The following CUX2 variants were observed in gnomAD, a reference collection of about 807,000 sequenced individuals.
CUX2 encodes the protein homeobox protein cut-like 2.
A neutral mutation model predicts 144.8 loss-of-function variants in CUX2; 40 were observed. The observed-to-expected ratio is 0.28, with a 90% CI of 0.21 to 0.36. The LOEUF (loss-of-function observed/expected upper bound fraction) is 0.36, where lower values mean the gene tolerates loss of function less well. Ranked by LOEUF, CUX2 falls within the 10% of genes least tolerant of loss-of-function variation. CUX2 has a pLI of 1.00. For missense variants in CUX2, 1,615 were observed against 1,994.0 expected (o/e 0.81, Z 3.62); for synonymous variants, 827 against 875.6 (o/e 0.94, Z 0.98).
At chr12:111,249,445 G>GT (rs58383341) in intron 3 of CUX2, among the ~76,000 whole-genome samples, 686 of 63,378 alleles carry the variant, frequency 0.011, 6 homozygotes, top group African/African-American at 0.02. Context: ...CCCTTTTTTT[G>GT]TTTTTTTTTT....
intron 1 of CUX2, among the ~76,000 whole-genome samples, chr12:111,047,586 T>A (rs1870060035): frequency 6.6e-6 from 1 of 152,194 alleles, no homozygotes; most frequent in Admixed American, 6.5e-5. Flanking sequence ...GGTGTCACCC[T>A]ATTTTGCAGC....
intron 1 of CUX2, among the ~76,000 whole-genome samples, chr12:111,042,993 A>G (rs551527370): frequency 6.6e-6 from 1 of 152,310 alleles, no homozygotes; most frequent in African/African-American, 2.4e-5. Context: ...TGCCCAGCAC[A>G]TTGAAACATG....
chr12:111,040,395 G>A (rs1447374859), intron 1 of CUX2, among the ~76,000 whole-genome samples: 1 of 151,620 alleles, frequency 6.6e-6, no homozygotes, highest in Non-Finnish European at 1.5e-5. Flanking sequence ...AATCTCTCTG[G>A]CTCCCTCTCC....
chr12:111,333,267 C>T (rs894340494), intron 18 of CUX2, among the ~76,000 whole-genome samples: 3 of 151,960 alleles, frequency 2.0e-5, no homozygotes, highest in African/African-American at 7.3e-5. Context: ...ACCTGTGGTC[C>T]GAGCTGCTTG....
chr12:111,186,782 G>GGT lies in CUX2; in HGVS notation c.64-27418_64-27417insGT, dbSNP rs568382918. ...ATTAAAATCGATATGATGTGTGTAT[G>GGT]TTTTTTTTTTTTTTGAGACAGAATT... is the stretch of plus-strand genomic sequence containing the variant. On this transcript the variant is annotated intron_variant, in intron 1 of 21. Transcript: ENST00000261726. This position sits in a 1 kb window ranked among gnomAD's most constrained non-coding sequence, Gnocchi z 4.4. 2.7e-5 allele frequency among the ~76,000 whole-genome samples: 4 copies of GGT among 146,080 alleles called. No individual in the cohort carries two copies. Among genetic ancestry groups the GGT allele is most frequent in the African/African-American group, 1.0e-4 (4 of 39,982 alleles).
chr12:111,044,183 C>T (rs1263445136), intron 1 of CUX2, among the ~76,000 whole-genome samples: 1 of 152,216 alleles, frequency 6.6e-6, no homozygotes, highest in Admixed American at 6.5e-5. Context: ...AAGTCTGTTT[C>T]TTGTCCCACA....
intron 18 of CUX2, among the ~76,000 whole-genome samples, chr12:111,323,033 G>C (rs1887610111): frequency 6.6e-6 from 1 of 152,228 alleles, no homozygotes; most frequent in African/African-American, 2.4e-5. Context: ...TGGAGTGTCA[G>C]CTTTGCCCGG....
chr12:111,194,154 C>T (rs1417829280), intron 1 of CUX2, among the ~76,000 whole-genome samples: 4 of 152,296 alleles, frequency 2.6e-5, no homozygotes, highest in Non-Finnish European at 1.5e-5. Context: ...TTGAATCCAG[C>T]TCTGCCCCCT....
intron 1 of CUX2, among the ~76,000 whole-genome samples, chr12:111,148,432 G>A (rs1876834364): frequency 6.6e-6 from 1 of 152,162 alleles, no homozygotes; most frequent in Admixed American, 6.5e-5. Context: ...TTGGGAAGGT[G>A]AAAAAGTTCT....
intron 1 of CUX2, among the ~76,000 whole-genome samples, chr12:111,114,888 T>C (rs573919270): frequency 6.6e-6 from 1 of 152,386 alleles, no homozygotes; most frequent in Non-Finnish European, 1.5e-5. Flanking sequence ...TTTATGGATA[T>C]CCATTTGTTC....
At chr12:111,188,699 T>C (rs1879702703) in intron 1 of CUX2, among the ~76,000 whole-genome samples, 1 of 152,154 alleles carries the variant, frequency 6.6e-6, no homozygotes, top group Non-Finnish European at 1.5e-5. Flanking sequence ...TTGCTGGCCC[T>C]GGGGAGCATT....
At chr12:111,235,168 C>T (rs550346346) in intron 3 of CUX2, among the ~76,000 whole-genome samples, 2 of 152,040 alleles carry the variant, frequency 1.3e-5, no homozygotes, top group South Asian at 2.1e-4. Context: ...TAATTATTCC[C>T]GGATGGCTAT....
chr12:111,302,291 T>C (rs1342616454), intron 9 of CUX2, among the ~76,000 whole-genome samples: 2 of 152,130 alleles, frequency 1.3e-5, no homozygotes, highest in Non-Finnish European at 2.9e-5. Context: ...GCTCAAGTAA[T>C]ATACCCTCAT....
rs570719941 is a variant in CUX2, at chr12:111,324,997, C to G, written c.2926+2417C>G. ...AGGCTGTAACGAGGATTAAAAGCAG[C>G]CATGCTGGCCGGGTGGGGTGCCTCA... On this transcript the variant is annotated intron_variant, in intron 18 of 21. Transcript: ENST00000261726. 2.5e-3 allele frequency among the ~76,000 whole-genome samples: 387 copies of G among 152,120 alleles called. 1 individual carries two copies. The highest frequency in any genetic ancestry group is 5.4e-3 in the Admixed American group (83 of 15,268).
At chr12:111,231,240 T>C (rs1226219105) in intron 3 of CUX2, among the ~76,000 whole-genome samples, 1 of 152,122 alleles carries the variant, frequency 6.6e-6, no homozygotes, top group East Asian at 1.9e-4. Context: ...CCCACCATTC[T>C]ACCTTCTGTC....
chr12:111,078,920 C>T (rs1005211095), intron 1 of CUX2, among the ~76,000 whole-genome samples: 33 of 152,136 alleles, frequency 2.2e-4, no homozygotes, highest in Non-Finnish European at 2.1e-4. Context: ...GAAAAGGAGT[C>T]GTGCGTGGGA....
intron 1 of CUX2, among the ~76,000 whole-genome samples, chr12:111,210,630 C>A (rs1881166691): frequency 6.6e-6 from 1 of 151,784 alleles, no homozygotes; most frequent in Admixed American, 6.6e-5. Context: ...CTGTCTCTAC[C>A]CCAAAAAAAT....
chr12:111,343,023 A>G (rs1168833595), intron 21 of CUX2, among the ~76,000 whole-genome samples: 1 of 150,040 alleles, frequency 6.7e-6, no homozygotes, highest in Non-Finnish European at 1.5e-5. Flanking sequence ...GATTATTGTC[A>G]TTATTTTTAT....
At chr12:111,207,203 C>G (rs1353093966) in intron 1 of CUX2, among the ~76,000 whole-genome samples, 1 of 152,170 alleles carries the variant, frequency 6.6e-6, no homozygotes, top group Non-Finnish European at 1.5e-5. Flanking sequence ...CTCTCCTTTG[C>G]CTGATCAGTT....
Sources: gnomAD v4.1 joint callset for allele counts (sites outside exome capture counted in the v4.1 genomes callset) on GRCh38, gnomAD v4.1.1 for gene constraint, Gnocchi (gnomAD v3.1) non-coding constraint, MANE v1.5 for transcripts, NCBI Gene and HGNC (gene_info 2026-07-23, HGNC 2026-07-21) for gene names.